The following ARL15 variants were observed in gnomAD, a reference collection of about 807,000 sequenced individuals.
ARL15 encodes the protein ARF like GTPase 15, also known as ADP-ribosylation factor-like protein 15.
Under a neutral mutation model 25.2 loss-of-function variants are expected in ARL15, and 19 were observed. The ratio of observed to expected loss-of-function variants is 0.75; its 90% CI spans 0.53 to 1.10. The LOEUF (loss-of-function observed/expected upper bound fraction) is 1.10. ARL15 is among the 50% of genes least tolerant of loss of function. The probability of loss-of-function intolerance (pLI) is 0.00; values close to 1 mark genes in which losing one functional copy is unlikely to be tolerated. For missense variants in ARL15, 220 were observed against 246.0 expected (o/e 0.89, Z 0.71); for synonymous variants, 94 against 86.8 (o/e 1.08, Z -0.46).
At chr5:54,248,362 G>A (rs915878731) in intron 1 of ARL15, among the ~76,000 whole-genome samples, 5 of 151,864 alleles carry the variant, frequency 3.3e-5, no homozygotes, top group Admixed American at 3.3e-4. Context: ...TCTCTTTCTC[G>A]GACTCACTCT....
At chr5:54,291,146 G>C (rs1192657663) in intron 1 of ARL15, among the ~76,000 whole-genome samples, 1 of 152,194 alleles carries the variant, frequency 6.6e-6, no homozygotes. Flanking sequence ...GGAGGGAAAA[G>C]AAAGGTAAGC....
chr5:53,991,910 T>G (rs1234693906), intron 4 of ARL15, among the ~76,000 whole-genome samples: 1 of 152,176 alleles, frequency 6.6e-6, no homozygotes, highest in Non-Finnish European at 1.5e-5. Flanking sequence ...AAAATAATAC[T>G]TATAAATTGA....
intron 1 of ARL15, among the ~76,000 whole-genome samples, chr5:54,306,531 C>T (rs1400011055): frequency 1.3e-5 from 2 of 151,796 alleles, no homozygotes; most frequent in Non-Finnish European, 1.5e-5. Flanking sequence ...GCTGAGATTA[C>T]AGGCATGCGC....
At chr5:54,237,628 C>T (rs890522128) in intron 1 of ARL15, among the ~76,000 whole-genome samples, 7 of 152,124 alleles carry the variant, frequency 4.6e-5, no homozygotes, top group Admixed American at 1.3e-4. Context: ...TCAGTAAAAA[C>T]GCATCAAGAA....
intron 4 of ARL15, among the ~76,000 whole-genome samples, chr5:53,889,439 G>T (rs1377690015): frequency 2.0e-5 from 3 of 152,210 alleles, no homozygotes; most frequent in African/African-American, 4.8e-5. Flanking sequence ...TTCAGAAGTT[G>T]TTCCTGCTGA....
chr5:54,040,487 A>C (rs1750304156), intron 4 of ARL15, among the ~76,000 whole-genome samples: 1 of 152,216 alleles, frequency 6.6e-6, no homozygotes. Flanking sequence ...ATCATGAAAT[A>C]ACAGCACCTA....
At chr5:54,251,252 C>A (rs17440928) in intron 1 of ARL15, among the ~76,000 whole-genome samples, 60,706 of 152,052 alleles carry the variant, frequency 0.4, 14,618 homozygotes, top group Non-Finnish European at 0.53. Flanking sequence ...GGTGGCCAAA[C>A]AACTCTTAAG....
intron 1 of ARL15, among the ~76,000 whole-genome samples, chr5:54,211,612 A>G (rs1189722539): frequency 1.3e-5 from 2 of 151,720 alleles, no homozygotes; most frequent in Non-Finnish European, 2.9e-5. Flanking sequence ...CTGGGAATAC[A>G]GGTGCCCGCC....
chr5:54,122,697 G>C lies in ARL15; in HGVS notation c.254-9287C>G, dbSNP rs1328560296. On this transcript the variant is annotated intron_variant, in intron 3 of 4. Transcript: ENST00000504924. Reference sequence around the variant, plus strand: ...TACTCTTCTTTTTTTCTGTCAAGTAGATTTTTAAATAAAATATAATTGAAT... The same window carrying C: ...TACTCTTCTTTTTTTCTGTCAAGTACATTTTTAAATAAAATATAATTGAAT... Among the ~76,000 whole-genome samples, 6 of 152,116 alleles carry C rather than the reference G, an allele frequency of 3.9e-5. No homozygotes were observed. The East Asian group carries it at 1.2e-3, about 29-fold the overall frequency.
In ARL15 at chr5:53,960,662, A is replaced by G. The variant is rs189230716; in HGVS notation, c.463-73949T>C. Among the ~76,000 whole-genome samples the G allele has an allele frequency of 4.9e-3, 751 of 152,336 alleles. 2 individuals are homozygous for G. The highest frequency in any genetic ancestry group is 9.0e-3 in the Admixed American group (137 of 15,302). ...CTGAAATTTCATCATATAAATATCA[A>G]TATGTCTGACTTGTTTTCTTGCCAG... On this transcript the variant is annotated intron_variant, in intron 4 of 4. Coordinates refer to ENST00000504924, the MANE Select transcript of ARL15 (RefSeq NM_019087.3).
chr5:54,115,590 T>C (rs567184158), intron 3 of ARL15, among the ~76,000 whole-genome samples: 1 of 152,310 alleles, frequency 6.6e-6, no homozygotes, highest in South Asian at 2.1e-4. Context: ...GGAAGTATAA[T>C]TGACTAAGCC....
At chr5:54,069,650 A>AT (rs1450974563) in intron 4 of ARL15, among the ~76,000 whole-genome samples, 2 of 144,488 alleles carry the variant, frequency 1.4e-5, no homozygotes, top group African/African-American at 2.5e-5. Flanking sequence ...ACTTTTTTTT[A>AT]TTTTTTATTT....
chr5:53,911,052 T>G (rs944856134), intron 4 of ARL15, among the ~76,000 whole-genome samples: 1 of 152,188 alleles, frequency 6.6e-6, no homozygotes, highest in South Asian at 2.1e-4. Context: ...ATCTCTTTCC[T>G]TGGCATAACT....
intron 3 of ARL15, among the ~76,000 whole-genome samples, chr5:54,151,025 TC>T (rs1267304236): frequency 1.3e-5 from 2 of 152,142 alleles, no homozygotes; most frequent in Non-Finnish European, 2.9e-5. Flanking sequence ...GATACCAACC[TC>T]CGGCTCCAAA....
intron 1 of ARL15, among the ~76,000 whole-genome samples, chr5:54,294,825 G>A (rs1758425246): frequency 6.6e-6 from 1 of 152,202 alleles, no homozygotes; most frequent in Non-Finnish European, 1.5e-5. Flanking sequence ...ACTCACTGCA[G>A]TTATATAAAG....
At chr5:54,013,175 T>G (rs899503513) in intron 4 of ARL15, among the ~76,000 whole-genome samples, 1 of 152,256 alleles carries the variant, frequency 6.6e-6, no homozygotes, top group African/African-American at 2.4e-5. Flanking sequence ...TATAGAAAGC[T>G]AATTTCATTT....
rs3222349 is a variant in ARL15 at position 53,947,167 on chromosome 5, GGTGTGTGTGTGTGT to G, written c.463-60468_463-60455del. Among the ~76,000 whole-genome samples, 815 of 123,598 alleles carry G rather than the reference GGTGTGTGTGTGTGT, an allele frequency of 6.6e-3. 5 individuals carry two copies. Among genetic ancestry groups the G allele is most frequent in the African/African-American group, 0.015 (496 of 32,982 alleles). 81.1% of individuals were successfully genotyped at this position (123,598 alleles called of 152,430 possible). ...CTAGCCAAAGAGAAAAATAAATAAG[GGTGTGTGTGTGTGT>G]GTGTGTGTGTGTGTGTGTGTGTGTG... On this transcript the variant is annotated intron_variant, in intron 4 of 4. Transcript: ENST00000504924.
At chr5:54,236,121 A>C (rs1276285936) in intron 1 of ARL15, among the ~76,000 whole-genome samples, 1 of 152,180 alleles carries the variant, frequency 6.6e-6, no homozygotes, top group Non-Finnish European at 1.5e-5. Context: ...ATGCAAGCTG[A>C]AGTGGTATAT....
intron 4 of ARL15, among the ~76,000 whole-genome samples, chr5:54,092,066 ACACACAC>A (rs1391757091): frequency 1.3e-5 from 2 of 148,452 alleles, no homozygotes; most frequent in Admixed American, 6.7e-5. Flanking sequence ...ACACACACAC[ACACACAC>A]CACCACCACC....
Sources: allele counts gnomAD v4.1 joint callset (sites outside exome capture counted in the v4.1 genomes callset), GRCh38; gene constraint gnomAD v4.1.1; transcripts MANE v1.5; gene names NCBI Gene and HGNC (gene_info 2026-07-23, HGNC 2026-07-21).